The following KRT34 variants were observed in gnomAD, a reference collection of about 807,000 sequenced individuals.
KRT34 encodes keratin 34, also known as keratin, type I cuticular Ha4.
A neutral mutation model predicts 41.7 loss-of-function variants in KRT34; 31 were observed. The observed-to-expected ratio is 0.74, with a 90% CI of 0.56 to 1.00. The LOEUF is 1.00. Among genes scored for constraint, KRT34 ranks in the 50% least tolerant of loss-of-function variants. KRT34 has a pLI of 0.00. For missense variants in KRT34, 523 were observed against 500.3 expected (o/e 1.05, Z -0.43); for synonymous variants, 224 against 212.9 (o/e 1.05, Z -0.45).
Position 41,381,094 on chromosome 17 carries a change from T to C in KRT34, c.550A>G (p.Arg184Gly). Residue 184 changes from arginine to glycine, a missense_variant, in exon 3 of 7, where the codon AGG (arginine) becomes GGG (glycine). Transcript: ENST00000394001. ...SDLESQVESL[R>G]EELICLKKNH... ...TTCTTCAAGCAGATCAGCTCCTCCCTCAGGGACTCCACCTGGGACTCCAGG... is the reference window on the plus strand; with the variant it reads ...TTCTTCAAGCAGATCAGCTCCTCCCCCAGGGACTCCACCTGGGACTCCAGG... 1 of 1,614,150 alleles carries C rather than the reference T, an allele frequency of 6.2e-7. No individual in the cohort carries two copies. Among genetic ancestry groups the C allele is most frequent in the Non-Finnish European group, 8.5e-7 (1 of 1,180,020 alleles).
At chr17:41,378,416 A>G (rs1392078739) in intron 6 of KRT34, among the ~76,000 whole-genome samples, 1 of 152,054 alleles carries the variant, frequency 6.6e-6, no homozygotes, top group African/African-American at 2.4e-5. Flanking sequence ...CAGCCTCCCA[A>G]GTAGTTAGGA....
rs1371629438 is a variant in KRT34 at position 41,381,193 on chromosome 17, G to T, written c.451C>A (p.Leu151Met). 2 of 1,614,194 alleles carry T rather than the reference G, an allele frequency of 1.2e-6. No individual in the cohort carries two copies. Among genetic ancestry groups the T allele is most frequent in the East Asian group, 4.5e-5 (2 of 44,882 alleles). Reference sequence around the variant, plus strand: ...ATGTCCGACTCCACCAACAGCCTCAGGGACTGCTCCGTCTGGTACCTGCAC... The same window carrying T: ...ATGTCCGACTCCACCAACAGCCTCATGGACTGCTCCGTCTGGTACCTGCAC... ...FRSKYQTEQS[L>M]RLLVESDINS... The change falls in exon 3 of 7, where the codon CTG (leucine) becomes ATG (methionine). Residue 151 changes from leucine to methionine, a missense_variant. Leu to Met is a conservative substitution (Grantham distance 15, BLOSUM62 2). Coordinates refer to ENST00000394001, the MANE Select transcript of KRT34 (RefSeq NM_001386014.1).
At chr17:41,380,956 G>A in intron 3 of KRT34, 100 bp downstream of exon 3, 1 of 1,184,880 alleles carries the variant, frequency 8.4e-7, no homozygotes, top group Non-Finnish European at 1.3e-6. Flanking sequence ...GAGTTCCTCA[G>A]AGAAGGGTCC....
At chr17:41,381,665 G>A in intron 2 of KRT34, 48 bp downstream of exon 2, 2 of 1,493,352 alleles carry the variant, frequency 1.3e-6, no homozygotes, top group South Asian at 2.3e-5. Flanking sequence ...GCAATAGTAG[G>A]TCCCTAGGGC....
chr17:41,381,335 T>C (rs2017980674), intron 2 of KRT34, 123 bp from the exon 3 acceptor site: 4 of 1,033,812 alleles, frequency 3.9e-6, no homozygotes, highest in Admixed American at 5.3e-5. Context: ...TTCTCTTCCA[T>C]ATGCTTCAGT....
At position 41,379,147 on chromosome 17, in the gene KRT34, C is replaced by T. The variant is rs746536930; in HGVS notation, c.906G>A (p.Glu302=). 23 of 1,614,232 alleles carry T rather than the reference C, an allele frequency of 1.4e-5. No homozygotes were observed. Among genetic ancestry groups the T allele is most frequent in the Non-Finnish European group, 1.8e-5 (21 of 1,180,048 alleles). The change falls in exon 6 of 7, where the codon GAG becomes GAA. Residue 302 remains glutamate, a synonymous_variant. Coordinates refer to ENST00000394001, the MANE Select transcript of KRT34 (RefSeq NM_001386014.1). ...GCTGGGAGCTGTAGTGGGCCTCGCT[C>T]TCCGTCAGCGTGTTTTCCAGAGAGT... ...LRDSLENTLT[E]SEAHYSSQLS...
chr17:41,379,425 G>A lies in KRT34; in HGVS notation c.804C>T (p.Cys268=), dbSNP rs1232988542. The change falls in exon 5 of 7, where the codon TGC becomes TGT. Residue 268 remains cysteine, a synonymous_variant. Transcript: ENST00000394001. The part of the protein sequence containing the change: ...VVSSSEQLQS[C]QAEIIELRRT... Reference sequence around the variant, plus strand: ...GTCTCAGCTCGATGATCTCCGCCTGGCAGGACTGCAGCTGCTCTGAGCTGG... The same window carrying A: ...GTCTCAGCTCGATGATCTCCGCCTGACAGGACTGCAGCTGCTCTGAGCTGG... The A allele has an allele frequency of 1.9e-6, 3 of 1,613,930 alleles. No individual in the cohort carries two copies. The highest frequency in any genetic ancestry group is 2.5e-6 in the Non-Finnish European group (3 of 1,180,042).
intron 4 of KRT34, 35 bp downstream of exon 4, chr17:41,379,535 T>G (rs758238341): frequency 1.2e-6 from 2 of 1,613,782 alleles, no homozygotes; most frequent in Non-Finnish European, 1.7e-6. Context: ...CTGGGGCACC[T>G]CGGGTCCTGA....
rs566233643 is a variant in KRT34, at chr17:41,381,145, C to T, written c.499G>A (p.Asp167Asn). The T allele has an allele frequency of 3.5e-5, 56 of 1,614,154 alleles. No homozygotes were observed. The highest frequency in any genetic ancestry group is 3.3e-4 in the Middle Eastern group (2 of 6,062). The change falls in exon 3 of 7, where the codon GAT (aspartate) becomes AAT (asparagine). Residue 167 changes from aspartate to asparagine, a missense_variant. Coordinates refer to ENST00000394001, the MANE Select transcript of KRT34 (RefSeq NM_001386014.1). ...SDINSIRRIL[D>N]ELTLCKSDLE... ...TCAGACTTGCAGAGGGTCAGCTCAT[C>T]CAGGATCCTGCGTATGCTGTTGATG... is the stretch of plus-strand genomic sequence containing the variant.
At chr17:41,382,428 C>T (rs1190393256), upstream of KRT34, 16 of 1,415,032 alleles carry the variant, frequency 1.1e-5, no homozygotes, top group Non-Finnish European at 1.6e-5. Context: ...TAGTTAGATG[C>T]TTCTAAAGAG....
Position 41,380,966 on chromosome 17 carries a change from C to G in KRT34, c.588+90G>C. On this transcript the variant is annotated intron_variant, in intron 3 of 6. Coordinates refer to ENST00000394001, the MANE Select transcript of KRT34 (RefSeq NM_001386014.1). ...ATCTTGAGTTCCTCAGAGAAGGGTC[C>G]CAGACCAGGGATCCAGACAGTAATC... The G allele has an allele frequency of 5.3e-6, 7 of 1,313,716 alleles. No individual in the cohort carries two copies. The Admixed American group carries it at 1.2e-4, about 22-fold the overall frequency. The allele number at this position is 1,313,716 out of a possible 1,614,324, so 81.4% of individuals were successfully genotyped here. A position where few individuals can be genotyped will look rare whatever the true frequency, so the allele number is the denominator to read the frequency against.
rs2017938870 is a variant in KRT34 at position 41,379,711 on chromosome 17, G to T, written c.609C>A (p.Ser203=). ...CCACGTTGAGGCGGTCTCCAAGCTG[G>T]GAGCGCAGGGTGTTAACCTCCTGTT... The part of the protein sequence containing the change: ...NHEEEVNTLR[S]QLGDRLNVEV... The change falls in exon 4 of 7, where the codon TCC becomes TCA. Residue 203 remains serine, a synonymous_variant. Coordinates refer to ENST00000394001, the MANE Select transcript of KRT34 (RefSeq NM_001386014.1). 3.1e-6 allele frequency: 5 copies of T among 1,610,662 alleles called. No individual in the cohort carries two copies. Among genetic ancestry groups the T allele is most frequent in the Non-Finnish European group, 4.2e-6 (5 of 1,178,442 alleles).
Position 41,379,556 on chromosome 17 carries a change from G to A in KRT34, c.750+14C>T. 1 of 1,613,920 alleles carries A rather than the reference G, an allele frequency of 6.2e-7. No homozygotes were observed. The highest frequency in any genetic ancestry group is 8.5e-7 in the Non-Finnish European group (1 of 1,179,882). On this transcript the variant is annotated intron_variant, in intron 4 of 6. Coordinates refer to ENST00000394001, the MANE Select transcript of KRT34 (RefSeq NM_001386014.1). ...CACCTCGGGTCCTGAGTGGCCATGTGCTTAGATGCCCACCTGCGTGGCGAA... is the reference window on the plus strand; with the variant it reads ...CACCTCGGGTCCTGAGTGGCCATGTACTTAGATGCCCACCTGCGTGGCGAA...
rs370544169 is a variant in KRT34 at position 41,379,092 on chromosome 17, C to T, written c.961G>A (p.Val321Met). ...CGGATCTCTGCCAGCTGAGACTCCA[C>T]GTTGGTGATCAGGCTCTGCACCTGG... ...LSQVQSLITN[V>M]ESQLAEIRCD... The change falls in exon 6 of 7, where the codon GTG (valine) becomes ATG (methionine). Residue 321 changes from valine (V) to methionine (M), a missense_variant. Val to Met is a conservative substitution (Grantham distance 21). Transcript: ENST00000394001. The T allele has an allele frequency of 1.7e-5, 27 of 1,614,080 alleles. No homozygotes were observed. In the African/African-American group the frequency reaches 2.5e-4, roughly 15 times the overall value.
In KRT34 at chr17:41,378,984, G is replaced by A. The variant is rs754958901; in HGVS notation, c.1069C>T (p.Arg357Trp). The change falls in exon 6 of 7, where the codon CGG becomes TGG. Residue 357 changes from arginine (R) to tryptophan (W), a missense_variant. By Grantham distance (101) the Arg-to-Trp change is moderately radical. Transcript: ENST00000394001. ...CAGTCCTCACTCTCCAGGAGGCTCCGGTACGTGTTGATCTCACACTCCAGC... is the reference window on the plus strand; with the variant it reads ...CAGTCCTCACTCTCCAGGAGGCTCCAGTACGTGTTGATCTCACACTCCAGC... Reference protein sequence around the residue: ...ARLECEINTYRSLLESEDCKL... With the variant: ...ARLECEINTYWSLLESEDCKL... 32 of 1,614,050 alleles carry A rather than the reference G, an allele frequency of 2.0e-5. No homozygotes were observed. The highest frequency in any genetic ancestry group is 5.0e-5 in the Admixed American group (3 of 60,002).
upstream of KRT34, among the ~76,000 whole-genome samples, chr17:41,383,542 G>T (rs1167805249): frequency 6.6e-6 from 1 of 152,138 alleles, no homozygotes; most frequent in Non-Finnish European, 1.5e-5. Context: ...ACAGTCTGGA[G>T]CAGTGAGAGT....
chr17:41,380,303 T>C (rs113703841), intron 3 of KRT34, among the ~76,000 whole-genome samples: 107 of 149,716 alleles, frequency 7.1e-4, no homozygotes, highest in African/African-American at 2.6e-3. Context: ...TCCCAAAGAG[T>C]GACACACACA....
At chr17:41,379,779 T>C in intron 3 of KRT34, 48 bp from the exon 4 acceptor site, 1 of 1,541,634 alleles carries the variant, frequency 6.5e-7, no homozygotes. Flanking sequence ...GGATCTGCCA[T>C]TTTCCTGCTC....
rs532669839 is a variant in KRT34 at position 41,381,975 on chromosome 17, C to T, written c.272G>A (p.Arg91Gln). Residue 91 changes from arginine to glutamine, a missense_variant, in exon 1 of 7, where the codon CGG (arginine) becomes CAG (glutamine). By Grantham distance (43) the Arg-to-Gln change is conservative. Coordinates refer to ENST00000394001, the MANE Select transcript of KRT34 (RefSeq NM_001386014.1). ...NAELEKLIQE[R>Q]SQQQEPLLCP... Reference sequence around the variant, plus strand: ...CAGCAAGGGCTCCTGCTGCTGGGACCGCTCCTGGATGAGTTTCTCCAGCTC... The same window carrying T: ...CAGCAAGGGCTCCTGCTGCTGGGACTGCTCCTGGATGAGTTTCTCCAGCTC... The T allele has an allele frequency of 8.7e-6, 14 of 1,614,280 alleles. No homozygotes were observed. The highest frequency in any genetic ancestry group is 5.3e-5 in the African/African-American group (4 of 75,074).
Sources: gnomAD v4.1 joint callset for allele counts (sites outside exome capture counted in the v4.1 genomes callset) on GRCh38, gnomAD v4.1.1 for gene constraint, MANE v1.5 for transcripts, NCBI Gene and HGNC (gene_info 2026-07-23, HGNC 2026-07-21) for gene names.